TRIOBP: variants seen among roughly 807,000 people sequenced by gnomAD.
TRIOBP encodes the protein TRIO and F-actin-binding protein.
TRIOBP carries 169 observed loss-of-function variants against 238.8 expected under a neutral mutation model. The ratio of observed to expected loss-of-function variants is 0.71; its 90% CI spans 0.62 to 0.80. TRIOBP has a LOEUF of 0.80. Among genes scored for constraint, TRIOBP ranks in the 30% least tolerant of loss-of-function variants. TRIOBP has a pLI of 0.00. For missense variants in TRIOBP, 2,838 were observed against 3,122.6 expected, an observed-to-expected ratio of 0.91 and a Z score of 2.17; for synonymous variants, 1,150 against 1,274.4, an observed-to-expected ratio of 0.90 and a Z score of 2.08.
chr22:37,772,640 G>A lies in TRIOBP; in HGVS notation c.6976G>A (p.Val2326Met), dbSNP rs1926841036. Reference protein sequence around the residue: ...FTSGKYQDVYVELSHIKTRSE... With the variant: ...FTSGKYQDVYMELSHIKTRSE... ...CTCGGGAAAGTACCAGGACGTCTAT[G>A]TGGAGCTGAGCCACATCAAGACACG... The change falls in exon 23 of 24, where the codon GTG becomes ATG. Residue 2326 changes from valine (V) to methionine (M), a missense_variant. Physicochemically the swap from Val to Met is conservative, Grantham distance 21. Transcript: ENST00000644935. The A allele has an allele frequency of 6.2e-7, 1 of 1,614,180 alleles. No individual in the cohort carries two copies.
intron 17 of TRIOBP, chr22:37,760,373 C>T (rs964137916): frequency 2.0e-5 from 3 of 152,220 alleles, no homozygotes; most frequent in East Asian, 3.8e-4. Flanking sequence ...TAAATACTCC[C>T]GCTGTGGCCA....
At chr22:37,748,783 C>T (rs1382858085) in intron 11 of TRIOBP, among the ~76,000 whole-genome samples, 1 of 152,030 alleles carries the variant, frequency 6.6e-6, no homozygotes, top group Admixed American at 6.6e-5. Context: ...GCTGGTGGTG[C>T]GGTGAGTGGC....
At chr22:37,760,263 A>G (rs1320304331) in intron 17 of TRIOBP, 2 of 152,274 alleles carry the variant, frequency 1.3e-5, no homozygotes, top group African/African-American at 4.8e-5. Context: ...TCTAAGTTTA[A>G]TCTGCATTAT....
chr22:37,733,196 C>T (rs1164996008), intron 7 of TRIOBP, 102 bp from the exon 8 acceptor site: 1 of 906,902 alleles, frequency 1.1e-6, no homozygotes, highest in Non-Finnish European at 1.8e-6. Flanking sequence ...TGCAGTGGGT[C>T]CCTGGCTGTC....
At chr22:37,700,646 G>C (rs909730664) in intron 2 of TRIOBP, among the ~76,000 whole-genome samples, 3 of 151,962 alleles carry the variant, frequency 2.0e-5, no homozygotes, top group African/African-American at 7.2e-5. Context: ...GAACTCTTGG[G>C]CTCAAATGAT....
At position 37,769,175 on chromosome 22, in the gene TRIOBP, G is replaced by C. The variant is rs756330364; in HGVS notation, c.6723G>C (p.Leu2241=). 9.9e-6 allele frequency: 16 copies of C among 1,608,630 alleles called. No homozygotes were observed. Among genetic ancestry groups the C allele is most frequent in the African/African-American group, 1.3e-5 (1 of 74,838 alleles). Residue 2241 remains leucine, a synonymous_variant, in exon 20 of 24, where the codon CTG becomes CTC. Coordinates refer to ENST00000644935, the MANE Select transcript of TRIOBP (RefSeq NM_001039141.3). The stretch of plus-strand genomic sequence containing the variant: ...GCCAGCAGGAGGGCCAGGAGCTGCT[G>C]CGCCACAACCAGGTGGGCCTGGCCC... The part of the protein sequence containing the change: ...RRCQQEGQEL[L]RHNQELHGRL...
At chr22:37,711,354 G>A (rs1173698898) in intron 4 of TRIOBP, among the ~76,000 whole-genome samples, 3 of 152,002 alleles carry the variant, frequency 2.0e-5, no homozygotes, top group South Asian at 2.1e-4. Flanking sequence ...CAAGGTGGGC[G>A]GATCACTTGA....
intron 3 of TRIOBP, among the ~76,000 whole-genome samples, chr22:37,705,078 C>T (rs1922863200): frequency 6.7e-6 from 1 of 149,150 alleles, no homozygotes; most frequent in Non-Finnish European, 1.5e-5. Flanking sequence ...GTCTCAAAAA[C>T]AAAACAAACA....
At chr22:37,722,223 A>C (rs2145831113) in intron 6 of TRIOBP, among the ~76,000 whole-genome samples, 1 of 152,078 alleles carries the variant, frequency 6.6e-6, no homozygotes, top group Admixed American at 6.5e-5. Context: ...GGCTTTCTAG[A>C]GCTGTCGCAC....
At chr22:37,748,451 C>T (rs1317592245) in intron 11 of TRIOBP, among the ~76,000 whole-genome samples, 1 of 152,214 alleles carries the variant, frequency 6.6e-6, no homozygotes, top group Non-Finnish European at 1.5e-5. Context: ...AGCCTTCCCC[C>T]TCGCCTGCTG....
intron 3 of TRIOBP, among the ~76,000 whole-genome samples, chr22:37,709,457 C>T (rs1346688624): frequency 3.3e-5 from 5 of 152,234 alleles, no homozygotes; most frequent in Admixed American, 6.5e-5. Context: ...ACTGCCTCGG[C>T]GGCTGCTGCC....
chr22:37,770,720 T>G (rs1822204431), intron 21 of TRIOBP, among the ~76,000 whole-genome samples: 3 of 145,766 alleles, frequency 2.1e-5, no homozygotes, highest in African/African-American at 7.7e-5. Flanking sequence ...AGTCACTCTG[T>G]CACCCAGGCT....
intron 3 of TRIOBP, 80 bp from the exon 4 acceptor site, chr22:37,710,347 G>T (rs986582883): frequency 5.0e-6 from 8 of 1,593,012 alleles, no homozygotes; most frequent in Non-Finnish European, 6.8e-6. Context: ...AGACTCCCAC[G>T]CCACCGGGAG....
At chr22:37,759,563 G>A (rs1301830366) in intron 17 of TRIOBP, 1 of 1,596,172 alleles carries the variant, frequency 6.3e-7, no homozygotes, top group Non-Finnish European at 8.5e-7. Context: ...CTGTGTGTGA[G>A]TCCCCGTGTG....
At position 37,769,092 on chromosome 22, in the gene TRIOBP, C is replaced by T; in HGVS notation, c.6640C>T (p.Leu2214=). ...ATCGGAGCAGTACTCGCAGAAGTGC[C>T]TGGAGATTGGGGCACTCATGCGGCA... ...VLSEQYSQKC[L]EIGALMRQAE... Residue 2214 remains leucine (L), a synonymous_variant, in exon 20 of 24, where the codon CTG becomes TTG. Coordinates refer to ENST00000644935, the MANE Select transcript of TRIOBP (RefSeq NM_001039141.3). 1.9e-6 allele frequency: 3 copies of T among 1,613,568 alleles called. No individual in the cohort carries two copies. Among genetic ancestry groups the T allele is most frequent in the Non-Finnish European group, 2.5e-6 (3 of 1,180,024 alleles).
At position 37,713,402 on chromosome 22, in the gene TRIOBP, G is replaced by A. The variant is rs775561822; in HGVS notation, c.447G>A (p.Ser149=). Residue 149 remains serine (S), a synonymous_variant, in exon 5 of 24, where the codon TCG becomes TCA. Transcript: ENST00000644935. ...CCACCCCTGATGATACCAGCAACTC[G>A]TCCTCTGTGGTGAGCCAGGAGTGGG... ...DSATPDDTSN[S]SSVDWDTVER... is the part of the protein sequence containing the mutation. The A allele has an allele frequency of 6.8e-6, 11 of 1,612,978 alleles. No homozygotes were observed. The highest frequency in any genetic ancestry group is 1.6e-4 in the Middle Eastern group (1 of 6,062).
intron 3 of TRIOBP, among the ~76,000 whole-genome samples, chr22:37,709,228 C>T (rs1247912774): frequency 1.3e-5 from 2 of 152,232 alleles, no homozygotes; most frequent in East Asian, 3.9e-4. Context: ...CCTGTGCCCA[C>T]CCTGTGGTGC....
rs775038772 is a variant in TRIOBP at position 37,725,095 on chromosome 22, A to T, written c.2539A>T (p.Thr847Ser). ...SCTKRDNLRP[T>S]CTQRDRTQSF... ...TACCAAACGAGATAACCTCAGACCCACTTGTACACAGCGGGACCGCACACA... is the reference window on the plus strand; with the variant it reads ...TACCAAACGAGATAACCTCAGACCCTCTTGTACACAGCGGGACCGCACACA... Residue 847 changes from threonine (T) to serine (S), a missense_variant, in exon 7 of 24, where the codon ACT (threonine) becomes TCT (serine). Physicochemically the swap from Thr to Ser is moderately conservative, Grantham distance 58 (BLOSUM62 1). Around this residue, in one of 5 missense-constraint regions of TRIOBP, gnomAD observed 2,096 missense variants for 2,137.4 expected, o/e 0.98. Coordinates refer to ENST00000644935, the MANE Select transcript of TRIOBP (RefSeq NM_001039141.3). The T allele has an allele frequency of 2.5e-6, 4 of 1,613,932 alleles. No individual in the cohort carries two copies. Among genetic ancestry groups the T allele is most frequent in the Non-Finnish European group, 3.4e-6 (4 of 1,180,006 alleles).
Position 37,734,713 on chromosome 22 carries a change from G to A in TRIOBP, c.4377G>A (p.Trp1459Ter), listed in dbSNP as rs1287949209. Residue 1459 changes from tryptophan to a stop codon, truncating the protein, a stop_gained, in exon 9 of 24, where the codon TGG becomes TGA. Coordinates refer to ENST00000644935, the MANE Select transcript of TRIOBP (RefSeq NM_001039141.3). LOFTEE classifies it high-confidence loss of function. ...AGGGAGGCCTGGGCCCTGGGGGCTG[G>A]TGGGGATGTGGAGAGCCCAGCCTGG... ...SQEGGLGPGG[W>*]WGCGEPSLGA... The A allele has an allele frequency of 6.2e-7, 1 of 1,608,670 alleles. No homozygotes were observed. Among genetic ancestry groups the A allele is most frequent in the South Asian group, 1.1e-5 (1 of 90,520 alleles).
Sources: allele counts gnomAD v4.1 joint callset (sites outside exome capture counted in the v4.1 genomes callset), GRCh38; gene constraint gnomAD v4.1.1; regional missense constraint gnomAD v4.1.1; transcripts MANE v1.5; gene names NCBI Gene and HGNC (gene_info 2026-07-23, HGNC 2026-07-21).